ARHGEF9: variants seen among roughly 807,000 people sequenced by gnomAD.
The protein encoded by ARHGEF9 is rho guanine nucleotide exchange factor 9.
Under a neutral mutation model 41.3 loss-of-function variants are expected in ARHGEF9, and 2 were observed. The ratio of observed to expected loss-of-function variants is 0.05; its 90% CI spans 0.02 to 0.15. The LOEUF (loss-of-function observed/expected upper bound fraction) is 0.15. Among genes scored for constraint, ARHGEF9 ranks in the 10% least tolerant of loss-of-function variants. The pLI is 1.00. For synonymous variants in ARHGEF9, 160 were observed against 154.4 expected, an observed-to-expected ratio of 1.04 and a Z score of -0.27; for missense variants, 225 against 424.7, an observed-to-expected ratio of 0.53 and a Z score of 4.13.
chrX:63,726,309 G>A (rs1364207623), intron 1 of ARHGEF9, among the ~76,000 whole-genome samples: 15 of 112,041 alleles, frequency 1.3e-4, no homozygotes, highest in African/African-American at 4.5e-4. Context: ...GAATCAACTG[G>A]GCCTCACTAT....
chrX:63,703,185 T>C (rs1216259861), intron 3 of ARHGEF9: 3 of 112,255 alleles, frequency 2.7e-5, no homozygotes, highest in Admixed American at 9.5e-5. Flanking sequence ...GCACCAATAA[T>C]TGTTGAAAAA....
intron 8 of ARHGEF9, among the ~76,000 whole-genome samples, chrX:63,647,183 C>A (rs1243549382): frequency 9.0e-6 from 1 of 111,439 alleles, no homozygotes; most frequent in African/African-American, 3.3e-5. Context: ...CAAACAGGGA[C>A]AATTTGACTT....
chrX:63,676,911 T>C (rs1556362898), intron 5 of ARHGEF9, among the ~76,000 whole-genome samples: 1 of 112,560 alleles, frequency 8.9e-6, no homozygotes, highest in Non-Finnish European at 1.9e-5. Context: ...AACACAAATA[T>C]AGACTATTTG....
intron 4 of ARHGEF9, among the ~76,000 whole-genome samples, chrX:63,689,716 G>C (rs1249955894): frequency 3.6e-5 from 4 of 111,938 alleles, no homozygotes; most frequent in Non-Finnish European, 7.5e-5. Flanking sequence ...TCAGCATATA[G>C]AACATTCTTG....
chrX:63,647,472 G>T (rs1382831691), intron 8 of ARHGEF9, among the ~76,000 whole-genome samples: 11 of 111,668 alleles, frequency 9.9e-5, no homozygotes, highest in Non-Finnish European at 1.5e-4. Context: ...GGCCTTTTCT[G>T]CATCTATTGA....
At chrX:63,724,953 T>G (rs2053870376) in intron 1 of ARHGEF9, 1 of 400,266 alleles carries the variant, frequency 2.5e-6, no homozygotes, top group Non-Finnish European at 4.3e-6. Context: ...ATATGCCTCA[T>G]GCTTTTTATC....
chrX:63,750,959 T>C (rs2055596129), intron 1 of ARHGEF9, among the ~76,000 whole-genome samples: 1 of 111,358 alleles, frequency 9.0e-6, no homozygotes, highest in South Asian at 3.8e-4. Flanking sequence ...CCCCTTTTTC[T>C]AGAGTTATTG....
intron 1 of ARHGEF9, among the ~76,000 whole-genome samples, chrX:63,779,835 G>T (rs782626188): frequency 1.6e-4 from 18 of 111,506 alleles, no homozygotes; most frequent in African/African-American, 5.2e-4. Context: ...ATGACTGCAG[G>T]TTGTCTCCCA....
At chrX:63,640,110 G>C (rs2047528660) in intron 9 of ARHGEF9, 1 of 111,798 alleles carries the variant, frequency 8.9e-6, no homozygotes, top group South Asian at 3.7e-4. Flanking sequence ...TAAAACAGAA[G>C]ACTTGAAATG....
At chrX:63,680,297 C>T (rs1194154316) in intron 4 of ARHGEF9, among the ~76,000 whole-genome samples, 1 of 112,144 alleles carries the variant, frequency 8.9e-6, no homozygotes, top group Non-Finnish European at 1.9e-5. Flanking sequence ...AACAAATACA[C>T]AAAACGAGTA....
At chrX:63,719,737 C>T (rs1556412426) in intron 2 of ARHGEF9, 1 of 295,599 alleles carries the variant, frequency 3.4e-6, no homozygotes, top group Non-Finnish European at 5.9e-6. Flanking sequence ...CTTGCTGGTG[C>T]CAGGAGATAA....
chrX:63,667,631 A>AT (rs1245346777), intron 6 of ARHGEF9, among the ~76,000 whole-genome samples: 3 of 109,974 alleles, frequency 2.7e-5, no homozygotes, highest in Admixed American at 9.7e-5. Flanking sequence ...CGAGCATACC[A>AT]TTTTTTTCCC....
At chrX:63,685,337 G>A (rs183640149) in intron 4 of ARHGEF9, among the ~76,000 whole-genome samples, 12 of 111,094 alleles carry the variant, frequency 1.1e-4, no homozygotes, top group African/African-American at 3.6e-4. Context: ...GAAATAAACA[G>A]TTAAATGTTC....
chrX:63,782,240 T>C (rs2056393794), intron 1 of ARHGEF9, among the ~76,000 whole-genome samples: 1 of 111,701 alleles, frequency 9.0e-6, no homozygotes, highest in African/African-American at 3.3e-5. Flanking sequence ...ACATTTGTGT[T>C]GAATAAATTA....
intron 3 of ARHGEF9, among the ~76,000 whole-genome samples, chrX:63,698,279 A>C (rs1485230055): frequency 9.1e-6 from 1 of 110,094 alleles, no homozygotes; most frequent in East Asian, 2.8e-4. Context: ...TGAAAGAGAA[A>C]AAAAGGATGA....
chrX:63,704,831 G>A (rs781944423), intron 3 of ARHGEF9, among the ~76,000 whole-genome samples: 4 of 111,984 alleles, frequency 3.6e-5, no homozygotes, highest in Non-Finnish European at 5.6e-5. Context: ...CAGACCTCTT[G>A]TTCTTTCTAC....
chrX:63,645,722 A>G (rs782785585), intron 8 of ARHGEF9, among the ~76,000 whole-genome samples: 15 of 112,146 alleles, frequency 1.3e-4, no homozygotes, highest in African/African-American at 3.2e-4. Flanking sequence ...AGCATGATTT[A>G]TAACCCTTTG....
At chrX:63,733,877 A>G (rs782804109) in intron 1 of ARHGEF9, among the ~76,000 whole-genome samples, 52 of 112,343 alleles carry the variant, frequency 4.6e-4, no homozygotes, top group African/African-American at 1.6e-3. Flanking sequence ...AGGACCTTTT[A>G]GGACATTTTA....
chrX:63,781,412 G>A (rs2056378299), intron 1 of ARHGEF9, among the ~76,000 whole-genome samples: 2 of 111,204 alleles, frequency 1.8e-5, no homozygotes, highest in South Asian at 7.7e-4. Flanking sequence ...GTCTCAATTA[G>A]CCCTACCATG....
Sources: gnomAD v4.1 joint callset for allele counts (sites outside exome capture counted in the v4.1 genomes callset) on GRCh38, gnomAD v4.1.1 for gene constraint, MANE v1.5 for transcripts, NCBI Gene and HGNC (gene_info 2026-07-23, HGNC 2026-07-21) for gene names.